GLIS1: variants seen among roughly 807,000 people sequenced by gnomAD.
GLIS1 encodes GLIS family zinc finger 1.
Under a neutral mutation model 63.8 loss-of-function variants are expected in GLIS1, and 24 were observed. The observed-to-expected ratio is 0.38, with a 90% CI of 0.27 to 0.53. GLIS1 has a LOEUF of 0.53. Among genes scored for constraint, GLIS1 ranks in the 20% least tolerant of loss-of-function variants. The probability of loss-of-function intolerance (pLI) is 0.85; values close to 1 mark genes in which losing one functional copy is unlikely to be tolerated. For synonymous variants in GLIS1, 450 were observed against 482.5 expected (o/e 0.93, Z 0.88); for missense variants, 1,036 against 1,074.1 (o/e 0.96, Z 0.50).
At chr1:53,608,238 T>C (rs1645391730) in intron 2 of GLIS1, among the ~76,000 whole-genome samples, 1 of 152,190 alleles carries the variant, frequency 6.6e-6, no homozygotes, top group Non-Finnish European at 1.5e-5. Context: ...GTTGGGAATA[T>C]AGGCGTGAGC....
At chr1:53,606,605 T>C (rs12122116) in intron 2 of GLIS1, among the ~76,000 whole-genome samples, 2,582 of 152,186 alleles carry the variant, frequency 0.017, 39 homozygotes, top group Non-Finnish European at 0.026. Flanking sequence ...CCTCACAAAA[T>C]CCAGAAGCCC....
At chr1:53,573,763 C>T (rs992020582) in intron 4 of GLIS1, among the ~76,000 whole-genome samples, 3 of 152,186 alleles carry the variant, frequency 2.0e-5, no homozygotes, top group Non-Finnish European at 2.9e-5. Context: ...GTGTCAGGGT[C>T]GGAGCTTCTT....
intron 2 of GLIS1, among the ~76,000 whole-genome samples, chr1:53,611,603 TATC>T (rs1485095896): frequency 1.3e-5 from 2 of 152,122 alleles, no homozygotes; most frequent in Admixed American, 1.3e-4. Flanking sequence ...AAGAGGAAAA[TATC>T]ATCTTAATTC....
chr1:53,563,898 T>A (rs915616957), intron 4 of GLIS1, among the ~76,000 whole-genome samples: 5 of 152,172 alleles, frequency 3.3e-5, no homozygotes, highest in Admixed American at 1.3e-4. Flanking sequence ...TTATAATATT[T>A]TCAAAGCACC....
intron 5 of GLIS1, among the ~76,000 whole-genome samples, chr1:53,527,406 C>A (rs960713080): frequency 2.0e-5 from 3 of 152,224 alleles, no homozygotes; most frequent in Non-Finnish European, 4.4e-5. Flanking sequence ...AGGGGAAGGC[C>A]GCCCAGTCCA....
intron 4 of GLIS1, among the ~76,000 whole-genome samples, chr1:53,573,259 C>A (rs1557457693): frequency 6.6e-6 from 1 of 152,154 alleles, no homozygotes; most frequent in Non-Finnish European, 1.5e-5. Context: ...GGGGAAGGTG[C>A]CGCCTGTTAG....
Position 53,714,364 on chromosome 1 carries a change from G to A in GLIS1, c.259+23442C>T, listed in dbSNP as rs141522734. On this transcript the variant is annotated intron_variant, in intron 2 of 10. Transcript: ENST00000628545. ...GTCACTACATTTCAACTGCAGAATG[G>A]GTTATGTAAATACCCTTTTATTGGA... 9.2e-5 allele frequency among the ~76,000 whole-genome samples: 14 copies of A among 152,212 alleles called. 1 individual carries two copies. In the South Asian group the frequency reaches 1.7e-3, roughly 18 times the overall value.
In GLIS1 at chr1:53,617,420, A is replaced by C. The variant is rs139372457; in HGVS notation, c.260-17142T>G. Among the ~76,000 whole-genome samples, 3 of 152,348 alleles carry C rather than the reference A, an allele frequency of 2.0e-5. No homozygotes were observed. The East Asian group carries it at 5.8e-4, about 29-fold the overall frequency. On this transcript the variant is annotated intron_variant, in intron 2 of 10. Transcript: ENST00000628545. ...TTTCTCATGGTTTTAAGAGACACTA[A>C]ATTTTCCAGGAATGGAACTGCCATG...
intron 2 of GLIS1, among the ~76,000 whole-genome samples, chr1:53,636,996 G>T (rs187416828): frequency 6.6e-6 from 1 of 152,242 alleles, no homozygotes; most frequent in Non-Finnish European, 1.5e-5. Flanking sequence ...CGCAGTGAGC[G>T]CTTGCTGCAG....
chr1:53,580,142 C>T (rs138611193), intron 4 of GLIS1, among the ~76,000 whole-genome samples: 156 of 152,226 alleles, frequency 1.0e-3, no homozygotes, highest in African/African-American at 3.5e-3. Context: ...TTACCTGAAC[C>T]CCATGCCACC....
intron 2 of GLIS1, among the ~76,000 whole-genome samples, chr1:53,632,373 G>T (rs1410691035): frequency 6.7e-6 from 1 of 149,146 alleles, no homozygotes; most frequent in South Asian, 2.1e-4. Context: ...GGACTGAGGG[G>T]TGTGTGAGTG....
chr1:53,570,314 G>T (rs765463251), intron 4 of GLIS1, among the ~76,000 whole-genome samples: 1 of 151,894 alleles, frequency 6.6e-6, no homozygotes, highest in Non-Finnish European at 1.5e-5. Context: ...AGAGATGGGG[G>T]TCTTACTATG....
intron 2 of GLIS1, among the ~76,000 whole-genome samples, chr1:53,659,029 C>G (rs2100354423): frequency 6.6e-6 from 1 of 152,300 alleles, no homozygotes; most frequent in South Asian, 2.1e-4. Context: ...CGGATCGTGG[C>G]AGGGGCGATG....
intron 4 of GLIS1, among the ~76,000 whole-genome samples, chr1:53,584,215 C>T (rs975564080): frequency 6.6e-6 from 1 of 152,248 alleles, no homozygotes; most frequent in African/African-American, 2.4e-5. Context: ...ACTCTCTCCA[C>T]TCCCTCGGGG....
In GLIS1 at chr1:53,737,894, C is replaced by T. The variant is rs960907512; in HGVS notation, c.171G>A (p.Pro57=). The change falls in exon 2 of 11, where the codon CCG becomes CCA. Residue 57 remains proline (P), a synonymous_variant. Transcript: ENST00000628545. ...DRGPRDLLAR[P]PAPPPRAHDL... ...CGTGGGCGCGCGGTGGCGGCGCAGG[C>T]GGCCGGGCTAGCAGGTCCCGCGGGC... 4.9e-6 allele frequency: 6 copies of T among 1,230,502 alleles called. No individual in the cohort carries two copies. Among genetic ancestry groups the T allele is most frequent in the Non-Finnish European group, 6.1e-6 (6 of 987,200 alleles). The allele number at this position is 1,230,502 out of a possible 1,614,324, so 76.2% of individuals were successfully genotyped here.
At chr1:53,562,618 G>C (rs542698265) in intron 4 of GLIS1, among the ~76,000 whole-genome samples, 2 of 152,000 alleles carry the variant, frequency 1.3e-5, no homozygotes, top group Non-Finnish European at 1.5e-5. Flanking sequence ...CTGCCCCGGG[G>C]GCAGGCATCC....
At chr1:53,715,668 G>A (rs916929890) in intron 2 of GLIS1, among the ~76,000 whole-genome samples, 3 of 152,068 alleles carry the variant, frequency 2.0e-5, no homozygotes, top group Admixed American at 1.3e-4. Flanking sequence ...AGCAGGGGGC[G>A]GCAAGAAGGA....
intron 4 of GLIS1, among the ~76,000 whole-genome samples, chr1:53,542,411 T>A (rs1455742254): frequency 4.6e-5 from 7 of 152,164 alleles, no homozygotes; most frequent in Admixed American, 1.3e-4. Flanking sequence ...CATAAACCCA[T>A]CGGAGAGTGC....
At chr1:53,549,325 T>G (rs960162702) in intron 4 of GLIS1, among the ~76,000 whole-genome samples, 30 of 152,256 alleles carry the variant, frequency 2.0e-4, no homozygotes, top group Non-Finnish European at 1.8e-4. Flanking sequence ...GGATCATATG[T>G]TAACCACTGA....
Sources: gnomAD v4.1 joint callset for allele counts (sites outside exome capture counted in the v4.1 genomes callset) on GRCh38, gnomAD v4.1.1 for gene constraint, MANE v1.5 for transcripts, NCBI Gene and HGNC (gene_info 2026-07-23, HGNC 2026-07-21) for gene names.